Variants in SH3TC1 observed in about 807,000 individuals in gnomAD.
SH3TC1 encodes SH3 domain and tetratricopeptide repeat-containing protein 1.
In SH3TC1, 135 loss-of-function variants were observed where a neutral mutation model predicts 117.3. The observed-to-expected ratio is 1.15, with a 90% CI of 1.00 to 1.33. The LOEUF is 1.33. SH3TC1 is among the 40% of genes most tolerant of loss of function. The pLI is 0.00. For synonymous variants in SH3TC1, 898 were observed against 816.9 expected (o/e 1.10, Z -1.69); for missense variants, 2,092 against 1,794.3 (o/e 1.17, Z -3.00).
chr4:8,190,027 G>A lies in SH3TC1; in HGVS notation c.-57+7817G>A, dbSNP rs571207661. On this transcript the variant is annotated intron_variant, in intron 1 of 16. Transcript: ENST00000508641. The surrounding 1 kb of genome is among the most constrained non-coding windows in gnomAD (Gnocchi z 4.7). Reference sequence around the variant, plus strand: ...CTGTGCCTGGGTAGTTTTGGGGAGCGCGGCGTGGGTGCGTTGATGCGAGGC... The same window carrying A: ...CTGTGCCTGGGTAGTTTTGGGGAGCACGGCGTGGGTGCGTTGATGCGAGGC... Among the ~76,000 whole-genome samples the A allele has an allele frequency of 4.6e-5, 7 of 152,298 alleles. No homozygotes were observed. Among genetic ancestry groups the A allele is most frequent in the Admixed American group, 2.0e-4 (3 of 15,312 alleles).
chr4:8,199,896 C>G (rs923891677), intron 1 of SH3TC1, among the ~76,000 whole-genome samples: 15 of 152,234 alleles, frequency 9.9e-5, no homozygotes, highest in African/African-American at 3.4e-4. Context: ...CCACCTGGGC[C>G]TCTTTTCCAA....
rs1219396748 is a variant in SH3TC1 at position 8,205,967 on chromosome 4, T to C, written c.172+601T>C. The C allele has an allele frequency of 1.4e-5, 6 of 420,916 alleles. No individual in the cohort carries two copies. The highest frequency in any genetic ancestry group is 7.9e-5 in the African/African-American group (4 of 50,414). The allele number at this position is 420,916 out of a possible 1,614,324, so 26.1% of individuals were successfully genotyped here. The stretch of plus-strand genomic sequence containing the variant: ...CCCTCCCGGCAGGAGACAGCTGCGG[T>C]TGTGACCCGTCCCTGGGCCTCGTCC... On this transcript the variant is annotated intron_variant, in intron 2 of 17. Transcript: ENST00000245105. The surrounding 1 kb of genome is among the most constrained non-coding windows in gnomAD (Gnocchi z 5.4).
At chr4:8,213,912 C>T (rs1467168666) in intron 4 of SH3TC1, among the ~76,000 whole-genome samples, 1 of 150,358 alleles carries the variant, frequency 6.7e-6, no homozygotes, top group South Asian at 2.1e-4. Flanking sequence ...AAGAAAGAAA[C>T]GGGGCCTTAT....
At position 8,227,525 on chromosome 4, in the gene SH3TC1, T is replaced by A. The variant is rs759249056; in HGVS notation, c.1831T>A (p.Tyr611Asn). The change falls in exon 12 of 18, where the codon TAC becomes AAC. Residue 611 changes from tyrosine (Y) to asparagine (N), a missense_variant. By Grantham distance (143) the Tyr-to-Asn change is moderately radical. Coordinates refer to ENST00000245105, the MANE Select transcript of SH3TC1 (RefSeq NM_018986.5). The part of the protein sequence containing the change: ...VAVYANLASI[Y>N]RKQKNREKCA... ...TGTGTACGCCAACCTGGCCAGCATT[T>A]ACCGGAAGCAGAAGAACCGGGAGAA... 113 of 1,537,194 alleles carry A rather than the reference T, an allele frequency of 7.4e-5. No homozygotes were observed. Among genetic ancestry groups the A allele is most frequent in the Non-Finnish European group, 9.7e-5 (111 of 1,147,068 alleles).
chr4:8,233,287 A>C (rs1187671938), intron 13 of SH3TC1, 76 bp from the exon 14 acceptor site: 14 of 1,526,236 alleles, frequency 9.2e-6, no homozygotes, highest in African/African-American at 1.4e-5. Context: ...TTCATCTGTC[A>C]CCAGACCCAC....
At chr4:8,229,066 T>C in intron 12 of SH3TC1, 1 of 175,926 alleles carries the variant, frequency 5.7e-6, no homozygotes, top group Non-Finnish European at 1.2e-5. Context: ...GGCAGCCCTG[T>C]GCACCTGTCA....
chr4:8,197,052 G>C (rs1717576487), upstream of SH3TC1, among the ~76,000 whole-genome samples: 1 of 152,186 alleles, frequency 6.6e-6, no homozygotes, highest in Non-Finnish European at 1.5e-5. Flanking sequence ...ATTTCCTTAA[G>C]GGTCTCCAGA....
At position 8,225,149 on chromosome 4, in the gene SH3TC1, A is replaced by C. The variant is rs776293374; in HGVS notation, c.1244-26A>C. On this transcript the variant is annotated intron_variant, in intron 10 of 17. Coordinates refer to ENST00000245105, the MANE Select transcript of SH3TC1 (RefSeq NM_018986.5). This position sits in a 1 kb window ranked among gnomAD's most constrained non-coding sequence, Gnocchi z 5.5. ...CCAGAGGTACTGGCTGGGGGTGTTGATTGCTTCTCTTTTCTCCCTTGCCAG... is the reference window on the plus strand; with the variant it reads ...CCAGAGGTACTGGCTGGGGGTGTTGCTTGCTTCTCTTTTCTCCCTTGCCAG... 2 of 1,613,272 alleles carry C rather than the reference A, an allele frequency of 1.2e-6. No individual in the cohort carries two copies. The highest frequency in any genetic ancestry group is 2.2e-5 in the South Asian group (2 of 90,974).
In SH3TC1 at chr4:8,217,074, C is replaced by A. The variant is rs758701705; in HGVS notation, c.746C>A (p.Ala249Asp). The change falls in exon 7 of 18, where the codon GCC becomes GAC. Residue 249 changes from alanine to aspartate, a missense_variant. Ala to Asp is a moderately radical substitution (Grantham distance 126). Transcript: ENST00000245105. ...TCGGGGGCACCCCAGGGAGAGGCGG[C>A]CCCGGAAACAGACTCTTCACCGCCG... ...QASGAPQGEAAPETDSSPPSP... is the reference protein window; with the variant it reads ...QASGAPQGEADPETDSSPPSP... The A allele has an allele frequency of 6.2e-7, 1 of 1,612,556 alleles. No homozygotes were observed. The highest frequency in any genetic ancestry group is 8.5e-7 in the Non-Finnish European group (1 of 1,179,386).
Position 8,220,519 on chromosome 4 carries a change from C to T in SH3TC1, c.1112+989C>T, listed in dbSNP as rs188488105. Among the ~76,000 whole-genome samples the T allele has an allele frequency of 2.3e-3, 344 of 152,300 alleles. 1 individual carries two copies. Among genetic ancestry groups the T allele is most frequent in the Non-Finnish European group, 4.0e-3 (274 of 68,022 alleles). ...ACTTCTGTGTTCTCACTGCCCAGTG[C>T]GAGCAGCAGCAGGGGGTCTTTGGAG... On this transcript the variant is annotated intron_variant, in intron 9 of 17. Coordinates refer to ENST00000245105, the MANE Select transcript of SH3TC1 (RefSeq NM_018986.5).
In SH3TC1 at chr4:8,225,143, G is replaced by A. The variant is rs1454023292; in HGVS notation, c.1244-32G>A. The A allele has an allele frequency of 1.2e-6, 2 of 1,613,500 alleles. No homozygotes were observed. Among genetic ancestry groups the A allele is most frequent in the Non-Finnish European group, 1.7e-6 (2 of 1,179,788 alleles). ...AGGGGACCAGAGGTACTGGCTGGGG[G>A]TGTTGATTGCTTCTCTTTTCTCCCT... On this transcript the variant is annotated intron_variant, in intron 10 of 17. Transcript: ENST00000245105. The surrounding 1 kb of genome is among the most constrained non-coding windows in gnomAD (Gnocchi z 5.5).
intron 1 of SH3TC1, among the ~76,000 whole-genome samples, chr4:8,193,569 G>C (rs1423622523): frequency 6.6e-6 from 1 of 152,066 alleles, no homozygotes; most frequent in South Asian, 2.1e-4. Flanking sequence ...TTCCTCCCAG[G>C]CCTCCCTTTG....
At chr4:8,194,361 C>T (rs905103862), upstream of SH3TC1, among the ~76,000 whole-genome samples, 4 of 152,212 alleles carry the variant, frequency 2.6e-5, no homozygotes, top group African/African-American at 7.2e-5. Flanking sequence ...GGCGCACTCG[C>T]GTTTCCCAGG....
rs548977013 is a variant in SH3TC1 at position 8,188,709 on chromosome 4, C to T, written c.-57+6499C>T. On this transcript the variant is annotated intron_variant, in intron 1 of 16. Coordinates refer to the SH3TC1 transcript ENST00000508641. ...GTGAGGGGAGACCCCGGGACCCACA[C>T]CTGGCTGGACACCAAAGTGGTGGGC... Among the ~76,000 whole-genome samples the T allele has an allele frequency of 1.1e-3, 164 of 152,360 alleles. 1 individual carries two copies. The Middle Eastern group carries it at 0.017, about 16-fold the overall frequency.
intron 12 of SH3TC1, among the ~76,000 whole-genome samples, chr4:8,229,949 G>A (rs1168327371): frequency 1.3e-5 from 2 of 150,618 alleles, no homozygotes; most frequent in East Asian, 1.9e-4. Flanking sequence ...CGAGGAGACC[G>A]GGGGCCAGGG....
chr4:8,232,698 C>A (rs755123719), intron 13 of SH3TC1: 6 of 1,290,416 alleles, frequency 4.6e-6, no homozygotes, highest in Non-Finnish European at 5.1e-6. Flanking sequence ...CTGGCCACCC[C>A]ACCCACAGGG....
chr4:8,228,788 C>G, intron 12 of SH3TC1, 144 bp downstream of exon 12: 2 of 719,686 alleles, frequency 2.8e-6, no homozygotes, highest in Non-Finnish European at 4.3e-6. Flanking sequence ...GGCAAGCGCC[C>G]TGGAGACAGG....
chr4:8,236,370 G>A lies in SH3TC1; in HGVS notation c.3498G>A (p.Glu1166=). The A allele has an allele frequency of 6.5e-7, 1 of 1,544,100 alleles. No homozygotes were observed. The highest frequency in any genetic ancestry group is 1.2e-5 in the South Asian group (1 of 83,364). Reference sequence around the variant, plus strand: ...TGGTGGCACTGCTGGCCACGCTGGAGGAGCCCCAGGAGGGCTTGGAGTTTG... The same window carrying A: ...TGGTGGCACTGCTGGCCACGCTGGAAGAGCCCCAGGAGGGCTTGGAGTTTG... ...NKLVALLATL[E]EPQEGLEFAH... Residue 1166 remains glutamate, a synonymous_variant, in exon 16 of 18, where the codon GAG becomes GAA. Transcript: ENST00000245105.
rs1324929090 is a variant in SH3TC1 at position 8,183,806 on chromosome 4, C to T, written c.-57+1596C>T. On this transcript the variant is annotated intron_variant, in intron 1 of 16. Transcript: ENST00000508641. The surrounding 1 kb of genome is among the most constrained non-coding windows in gnomAD (Gnocchi z 5.4). ...GCCCACACCTGACTCAGATTTCCTT[C>T]GTCTTTACCTAACGCCTTCGCCTGC... Among the ~76,000 whole-genome samples the T allele has an allele frequency of 1.3e-5, 2 of 152,162 alleles. No homozygotes were observed. The highest frequency in any genetic ancestry group is 1.9e-4 in the East Asian group (1 of 5,192).
Sources: allele counts gnomAD v4.1 joint callset (sites outside exome capture counted in the v4.1 genomes callset), GRCh38; gene constraint gnomAD v4.1.1; non-coding constraint Gnocchi (gnomAD v3.1); transcripts MANE v1.5; gene names NCBI Gene and HGNC (gene_info 2026-07-23, HGNC 2026-07-21).